Variants in RPIA observed in about 807,000 individuals in gnomAD.
RPIA encodes the protein ribose 5-phosphate isomerase A.
A neutral mutation model predicts 37.8 loss-of-function variants in RPIA; 29 were observed. That is an observed-to-expected ratio of 0.77 (90% confidence interval 0.57 to 1.05). The LOEUF (loss-of-function observed/expected upper bound fraction) is 1.05, where lower values mean the gene tolerates loss of function less well. Ranked by LOEUF, RPIA falls within the 50% of genes least tolerant of loss-of-function variation. The pLI, the probability that RPIA is intolerant of heterozygous loss-of-function variation, is 0.00. For missense variants in RPIA, 385 were observed against 413.6 expected, an observed-to-expected ratio of 0.93 and a Z score of 0.60; for synonymous variants, 167 against 157.0, an observed-to-expected ratio of 1.06 and a Z score of -0.48.
intron 8 of RPIA, among the ~76,000 whole-genome samples, chr2:88,741,266 C>T (rs962840065): frequency 3.3e-5 from 5 of 152,116 alleles, no homozygotes; most frequent in Admixed American, 6.5e-5. Context: ...TACACCTTTG[C>T]GTCCTCATAG....
intron 3 of RPIA, among the ~76,000 whole-genome samples, chr2:88,708,847 C>G (rs1672927791): frequency 6.6e-6 from 1 of 151,746 alleles, no homozygotes; most frequent in Non-Finnish European, 1.5e-5. Context: ...AGCTCCACCT[C>G]CTGGGTTCAT....
intron 1 of RPIA, among the ~76,000 whole-genome samples, chr2:88,694,768 T>A (rs923660489): frequency 1.3e-5 from 2 of 152,094 alleles, no homozygotes; most frequent in African/African-American, 2.4e-5. Flanking sequence ...TGTTTGTACG[T>A]CATAAGATCC....
At chr2:88,728,193 C>G (rs1389496763) in intron 3 of RPIA, among the ~76,000 whole-genome samples, 1 of 152,090 alleles carries the variant, frequency 6.6e-6, no homozygotes, top group African/African-American at 2.4e-5. Flanking sequence ...AACATCAAAT[C>G]TGGGGTTCAA....
chr2:88,738,454 T>G (rs377292976), intron 8 of RPIA, among the ~76,000 whole-genome samples: 3 of 152,292 alleles, frequency 2.0e-5, no homozygotes, highest in East Asian at 3.9e-4. Context: ...GCGGGGAAAA[T>G]GACTCAGTTA....
chr2:88,722,748 C>A (rs1187478500), intron 3 of RPIA, among the ~76,000 whole-genome samples: 1 of 152,168 alleles, frequency 6.6e-6, no homozygotes, highest in Non-Finnish European at 1.5e-5. Flanking sequence ...GAGCTTTAGA[C>A]CTAAGAAGAA....
In RPIA at chr2:88,736,659, A is replaced by G. The variant is rs1285531799; in HGVS notation, c.721A>G (p.Met241Val). 1 of 1,613,530 alleles carries G rather than the reference A, an allele frequency of 6.2e-7. No individual in the cohort carries two copies. The highest frequency in any genetic ancestry group is 2.2e-5 in the East Asian group (1 of 44,842). The change falls in exon 7 of 9, where the codon ATG (methionine) becomes GTG (valine). Residue 241 changes from methionine to valine, a missense_variant. Physicochemically the swap from Met to Val is conservative, Grantham distance 21. Transcript: ENST00000283646. ...GTTTGGGGGCGTGGTTGAACTTCGA[A>G]TGGCTGTCAACAAGGCTGTGAGTGG... ...QKFGGVVELR[M>V]AVNKAGPVVT...
At position 88,736,598 on chromosome 2, in the gene RPIA, G is replaced by T. The variant is rs753845931; in HGVS notation, c.660G>T (p.Met220Ile). The T allele has an allele frequency of 1.9e-6, 3 of 1,614,114 alleles. 1 individual carries two copies. Among genetic ancestry groups the T allele is most frequent in the Admixed American group, 1.7e-5 (1 of 60,018 alleles). ...GAATCCCCATCGAGGTCATCCCAAT[G>T]GCCTATGTCCCAGTGAGCCGAGCTG... ...HKGIPIEVIP[M>I]AYVPVSRAVS... The change falls in exon 7 of 9, where the codon ATG (methionine) becomes ATT (isoleucine). Residue 220 changes from methionine (M) to isoleucine (I), a missense_variant. Physicochemically the swap from Met to Ile is conservative, Grantham distance 10. Transcript: ENST00000283646.
chr2:88,712,300 C>T (rs1345600713), intron 3 of RPIA, among the ~76,000 whole-genome samples: 1 of 152,216 alleles, frequency 6.6e-6, no homozygotes, highest in African/African-American at 2.4e-5. Context: ...ACAATCAGCA[C>T]ATGTTAGTGA....
chr2:88,708,380 CAGTGAGGTTCAAGTGAGTCTTTT>C (rs1672921238), intron 3 of RPIA, among the ~76,000 whole-genome samples: 1 of 152,122 alleles, frequency 6.6e-6, no homozygotes, highest in Non-Finnish European at 1.5e-5. Flanking sequence ...GAGTCCTTTC[CAGTGAGGTTCAAGTGAGTCTTTT>C]AGTGAGGTTC....
intron 6 of RPIA, among the ~76,000 whole-genome samples, chr2:88,736,316 G>A (rs1673315337): frequency 6.6e-6 from 1 of 152,170 alleles, no homozygotes; most frequent in African/African-American, 2.4e-5. Flanking sequence ...ATACCCACAA[G>A]CCAGCAATAT....
chr2:88,714,144 A>G (rs765726549), intron 3 of RPIA, among the ~76,000 whole-genome samples: 20 of 146,956 alleles, frequency 1.4e-4, no homozygotes, highest in Non-Finnish European at 2.2e-4. Context: ...TCTGTTTTCT[A>G]TCTGCTCATT....
chr2:88,743,019 A>G (rs1673401692), intron 8 of RPIA, among the ~76,000 whole-genome samples: 1 of 152,002 alleles, frequency 6.6e-6, no homozygotes, highest in Admixed American at 6.6e-5. Context: ...CTCTTTACTG[A>G]TTTGGATGCC....
At chr2:88,723,035 G>A (rs1456997188) in intron 3 of RPIA, among the ~76,000 whole-genome samples, 3 of 152,088 alleles carry the variant, frequency 2.0e-5, no homozygotes, top group Non-Finnish European at 4.4e-5. Flanking sequence ...GCAGCTGCGA[G>A]GAATTTTAGC....
intron 8 of RPIA, 120 bp downstream of exon 8, chr2:88,738,196 A>G (rs1673339160): frequency 1.3e-6 from 1 of 763,922 alleles, no homozygotes; most frequent in African/African-American, 1.7e-5. Flanking sequence ...GGAAAGAAGA[A>G]TTCCCTTTAT....
intron 3 of RPIA, among the ~76,000 whole-genome samples, chr2:88,728,692 T>G (rs1254988963): frequency 1.3e-5 from 2 of 152,322 alleles, no homozygotes; most frequent in African/African-American, 4.8e-5. Flanking sequence ...CTCTGAAGCT[T>G]GACTATAACG....
At chr2:88,739,558 G>C (rs1480154996) in intron 8 of RPIA, among the ~76,000 whole-genome samples, 1 of 152,124 alleles carries the variant, frequency 6.6e-6, no homozygotes, top group African/African-American at 2.4e-5. Flanking sequence ...TGTGCTAGTT[G>C]GGATTTAAAA....
rs1397100102 is a variant in RPIA, at chr2:88,735,790, A to G, written c.596+53A>G. ...ACTGAGGAGGTAGATTGGATCCCCA[A>G]GCCGCATCCCCATTTTTGTGAAAGA... On this transcript the variant is annotated intron_variant, in intron 6 of 8. Transcript: ENST00000283646. 30 of 1,539,894 alleles carry G rather than the reference A, an allele frequency of 1.9e-5. 1 individual carries two copies. The East Asian group carries it at 5.8e-4, about 30-fold the overall frequency.
At chr2:88,739,550 T>G (rs1387575690) in intron 8 of RPIA, among the ~76,000 whole-genome samples, 1 of 152,222 alleles carries the variant, frequency 6.6e-6, no homozygotes, top group Admixed American at 6.5e-5. Context: ...GATACACCTG[T>G]GCTAGTTGGG....
At chr2:88,708,748 A>G (rs1029848531) in intron 3 of RPIA, among the ~76,000 whole-genome samples, 4 of 148,228 alleles carry the variant, frequency 2.7e-5, no homozygotes, top group Non-Finnish European at 5.9e-5. Context: ...TAATTTTGCC[A>G]AATGGATTTT....
Sources: allele counts gnomAD v4.1 joint callset (sites outside exome capture counted in the v4.1 genomes callset), GRCh38; gene constraint gnomAD v4.1.1; transcripts MANE v1.5; gene names NCBI Gene and HGNC (gene_info 2026-07-23, HGNC 2026-07-21).